SMIM21: variants seen among roughly 807,000 people sequenced by gnomAD.
SMIM21 encodes the protein small integral membrane protein 21, also known as chromosome 18 open reading frame 62.
In SMIM21, 8 loss-of-function variants were observed where a neutral mutation model predicts 8.6. That is an observed-to-expected ratio of 0.93 (90% CI 0.55 to 1.68). SMIM21 has a LOEUF of 1.68. Among genes scored for constraint, SMIM21 ranks in the 40% most tolerant of loss-of-function variants. The pLI is 0.00. For synonymous variants in SMIM21, 43 were observed against 41.7 expected, an observed-to-expected ratio of 1.03 and a Z score of -0.12; for missense variants, 132 against 123.0, an observed-to-expected ratio of 1.07 and a Z score of -0.35.
intron 1 of SMIM21, among the ~76,000 whole-genome samples, chr18:75,426,532 A>G (rs1182732686): frequency 6.6e-6 from 1 of 151,006 alleles, no homozygotes; most frequent in African/African-American, 2.4e-5. Flanking sequence ...GATAGTATCA[A>G]TCTCCTGACC....
chr18:75,413,590 T>C (rs2024605794), intron 2 of SMIM21, among the ~76,000 whole-genome samples: 1 of 152,188 alleles, frequency 6.6e-6, no homozygotes, highest in African/African-American at 2.4e-5. Context: ...AGGCCATTCG[T>C]GGTCTGGTAT....
At chr18:75,420,810 C>T (rs1883790297) in intron 1 of SMIM21, among the ~76,000 whole-genome samples, 2 of 152,126 alleles carry the variant, frequency 1.3e-5, no homozygotes, top group Admixed American at 1.3e-4. Context: ...CTTTCCTGGG[C>T]CCTTTTTCCA....
intron 2 of SMIM21, chr18:75,417,916 A>G: frequency 3.2e-6 from 1 of 315,450 alleles, no homozygotes; most frequent in East Asian, 4.8e-5. Context: ...TTGATTGACT[A>G]TGGAAGAAAT....
intron 1 of SMIM21, among the ~76,000 whole-genome samples, chr18:75,419,717 A>T (rs1599107298): frequency 6.6e-6 from 1 of 152,236 alleles, no homozygotes; most frequent in African/African-American, 2.4e-5. Context: ...AACTATATCC[A>T]AAAATTCTTG....
intron 2 of SMIM21, among the ~76,000 whole-genome samples, chr18:75,415,842 A>G (rs552392333): frequency 3.3e-5 from 5 of 152,290 alleles, no homozygotes; most frequent in African/African-American, 1.2e-4. Context: ...GTGGCATTAC[A>G]ATTTATTTAA....
intron 1 of SMIM21, among the ~76,000 whole-genome samples, chr18:75,420,044 G>A (rs1246723956): frequency 1.3e-5 from 2 of 152,198 alleles, no homozygotes; most frequent in African/African-American, 4.8e-5. Context: ...AATAGGGCTA[G>A]GCACCATTGA....
intron 2 of SMIM21, among the ~76,000 whole-genome samples, chr18:75,412,234 C>T (rs908532154): frequency 6.6e-6 from 1 of 152,160 alleles, no homozygotes; most frequent in Non-Finnish European, 1.5e-5. Context: ...TTCTCAATCT[C>T]TGTATTCTGA....
chr18:75,415,116 C>T (rs2024629950), intron 2 of SMIM21, among the ~76,000 whole-genome samples: 1 of 152,124 alleles, frequency 6.6e-6, no homozygotes, highest in African/African-American at 2.4e-5. Flanking sequence ...CATCCTTCTG[C>T]TGCACCATGA....
chr18:75,414,076 C>CACACACACACACGT (rs2024612913), intron 2 of SMIM21, among the ~76,000 whole-genome samples: 2 of 85,602 alleles, frequency 2.3e-5, no homozygotes, highest in Non-Finnish European at 4.1e-5. Flanking sequence ...CTCTCTGTCT[C>CACACACACACACGT]ACACACACAC....
chr18:75,419,600 A>T (rs1461757062), intron 1 of SMIM21, among the ~76,000 whole-genome samples: 3 of 152,232 alleles, frequency 2.0e-5, no homozygotes, highest in African/African-American at 7.2e-5. Flanking sequence ...GGTGGTGGCC[A>T]TTGGAATAAC....
chr18:75,417,039 T>C (rs2024653914), intron 2 of SMIM21: 1 of 152,172 alleles, frequency 6.6e-6, no homozygotes, highest in Non-Finnish European at 1.5e-5. Flanking sequence ...TTAAACTAAG[T>C]AGCTAAAACC....
chr18:75,427,239 G>A (rs1005043767), intron 1 of SMIM21, among the ~76,000 whole-genome samples, 196 bp downstream of exon 1: 1 of 152,150 alleles, frequency 6.6e-6, no homozygotes. Flanking sequence ...ATTGGGAATT[G>A]GAATTGGGAG....
At chr18:75,423,547 C>T (rs946769165) in intron 1 of SMIM21, among the ~76,000 whole-genome samples, 12 of 152,346 alleles carry the variant, frequency 7.9e-5, no homozygotes, top group African/African-American at 2.6e-4. Flanking sequence ...GTGAGGCCAG[C>T]GGGATGTCCC....
At chr18:75,412,845 G>A (rs373647984) in intron 2 of SMIM21, among the ~76,000 whole-genome samples, 8 of 152,080 alleles carry the variant, frequency 5.3e-5, no homozygotes, top group African/African-American at 1.4e-4. Context: ...ATCAGTATCC[G>A]TTTTTCTTTC....
chr18:75,413,193 C>CCT lies in SMIM21; in HGVS notation c.261-2286_261-2285dup, dbSNP rs554952146. 1.9e-3 allele frequency among the ~76,000 whole-genome samples: 286 copies of CCT among 152,186 alleles called. 3 individuals carry two copies. The highest frequency in any genetic ancestry group is 5.1e-4 in the Non-Finnish European group (35 of 68,008). On this transcript the variant is annotated intron_variant, in intron 2 of 2. Transcript: ENST00000579022. Reference sequence around the variant, plus strand: ...AAGTCTAAGGTGGAATCCAACAGTCCCTCTCCCAGAGATTCTTTCTTTACT... The same window carrying CCT: ...AAGTCTAAGGTGGAATCCAACAGTCCCTCTCTCCCAGAGATTCTTTCTTTACT...
chr18:75,417,951 C>T, intron 2 of SMIM21: 1 of 355,666 alleles, frequency 2.8e-6, no homozygotes, highest in Non-Finnish European at 5.0e-6. Flanking sequence ...GAGTTTAAGT[C>T]TTATTCCTAG....
In SMIM21 at chr18:75,418,842, A is replaced by G. The variant is rs762051004; in HGVS notation, c.204T>C (p.His68=). 89 of 1,612,476 alleles carry G rather than the reference A, an allele frequency of 5.5e-5. No homozygotes were observed. Among genetic ancestry groups the G allele is most frequent in the South Asian group, 2.9e-4 (26 of 91,028 alleles). ...LFHVMVLLRN[H]SRIQGVSEDW... The stretch of plus-strand genomic sequence containing the variant: ...CTTCAGAAACCCCTTGTATCCTGCT[A>G]TGATTCCTCAGCAACACCATCACAT... Residue 68 remains histidine (H), a synonymous_variant, in exon 2 of 3, where the codon CAT becomes CAC. Coordinates refer to ENST00000579022, the MANE Select transcript of SMIM21 (RefSeq NM_001037331.3).
chr18:75,419,366 T>A (rs1179603729), intron 1 of SMIM21, among the ~76,000 whole-genome samples: 1 of 152,212 alleles, frequency 6.6e-6, no homozygotes, highest in Non-Finnish European at 1.5e-5. Flanking sequence ...GACTGATTTT[T>A]TTTTTAGTGG....
At position 75,410,748 on chromosome 18, in the gene SMIM21, A is replaced by G. The variant is rs2024574677; in HGVS notation, c.*116T>C. On this transcript the variant is annotated 3_prime_UTR_variant, in exon 3 of 3. Transcript: ENST00000579022. Reference sequence around the variant, plus strand: ...TCATTCTCTCTGTGGAGCTCCTTTTAAAAAGTGAGCAATAATCTGCTATCT... The same window carrying G: ...TCATTCTCTCTGTGGAGCTCCTTTTGAAAAGTGAGCAATAATCTGCTATCT... 6.5e-7 allele frequency: 1 copy of G among 1,536,318 alleles called. No homozygotes were observed. Among genetic ancestry groups the G allele is most frequent in the African/African-American group, 1.4e-5 (1 of 71,732 alleles).
Sources: allele counts gnomAD v4.1 joint callset (sites outside exome capture counted in the v4.1 genomes callset), GRCh38; gene constraint gnomAD v4.1.1; transcripts MANE v1.5; gene names NCBI Gene and HGNC (gene_info 2026-07-23, HGNC 2026-07-21).